Variants in CAST observed in about 807,000 individuals in gnomAD.
CAST encodes the protein calpastatin.
Under a neutral mutation model 119.6 loss-of-function variants are expected in CAST, and 76 were observed. The observed-to-expected ratio is 0.64, with a 90% confidence interval of 0.53 to 0.77. The LOEUF (loss-of-function observed/expected upper bound fraction) is 0.77, where lower values mean the gene tolerates loss of function less well. Ranked by LOEUF, CAST falls within the 30% of genes least tolerant of loss-of-function variation. The probability of loss-of-function intolerance (pLI) is 0.00; values close to 1 mark genes in which losing one functional copy is unlikely to be tolerated. For synonymous variants in CAST, 319 were observed against 331.6 expected, an observed-to-expected ratio of 0.96 and a Z score of 0.41; for missense variants, 953 against 946.5, an observed-to-expected ratio of 1.01 and a Z score of -0.09.
At chr5:96,627,645 T>C (rs1418162849) in intron 1 of CAST, among the ~76,000 whole-genome samples, 1 of 152,214 alleles carries the variant, frequency 6.6e-6, no homozygotes, top group Non-Finnish European at 1.5e-5. Flanking sequence ...CTTAACAAAC[T>C]CCTGTTTACG....
chr5:96,614,356 C>G (rs569517051), intron 1 of CAST, among the ~76,000 whole-genome samples: 2 of 152,306 alleles, frequency 1.3e-5, no homozygotes, highest in African/African-American at 4.8e-5. Context: ...TTACCTACTA[C>G]AGCGCCTCAG....
chr5:96,332,245 T>C, the CAST span, among the ~76,000 whole-genome samples: 3 of 152,298 alleles, frequency 2.0e-5, no homozygotes, highest in East Asian at 5.8e-4. Flanking sequence ...AAGACCATGT[T>C]TCAGCCTTGT....
intron 1 of CAST, among the ~76,000 whole-genome samples, chr5:96,666,257 A>AACACACACACAC (rs10529318): frequency 0.061 from 9,115 of 150,046 alleles, 436 homozygotes; most frequent in East Asian, 0.26. Flanking sequence ...GGTTGTAGTA[A>AACACACACACAC]ACACACACAC....
intron 1 of CAST, among the ~76,000 whole-genome samples, chr5:96,675,162 G>A (rs1180255292): frequency 2.6e-5 from 4 of 152,162 alleles, no homozygotes; most frequent in African/African-American, 9.7e-5. Context: ...AGTCCATGCT[G>A]AACTGAGCCT....
the CAST span, among the ~76,000 whole-genome samples, chr5:96,338,043 G>A: frequency 1.7e-3 from 262 of 152,058 alleles, 1 homozygote; most frequent in Non-Finnish European, 2.2e-3. Context: ...TGAAAGCTTT[G>A]GAATGAGAAA....
At chr5:96,727,438 C>T in intron 5 of CAST, 51 bp from the exon 6 acceptor site, 2 of 977,124 alleles carry the variant, frequency 2.0e-6, no homozygotes, top group South Asian at 1.6e-5. Flanking sequence ...TAAACTATGT[C>T]TATCTTTCTT....
At chr5:96,399,079 ACTTC>A in the CAST span, 2 of 1,464,306 alleles carry the variant, frequency 1.4e-6, no homozygotes, top group Non-Finnish European at 1.9e-6. Flanking sequence ...GTATATCCAA[ACTTC>A]CTTGCATTTT....
chr5:96,663,585 C>T (rs1748896662), intron 1 of CAST, among the ~76,000 whole-genome samples: 1 of 152,070 alleles, frequency 6.6e-6, no homozygotes, highest in Admixed American at 6.5e-5. Flanking sequence ...TTTTAGAGGG[C>T]GATTGTTGGA....
the CAST span, among the ~76,000 whole-genome samples, chr5:95,986,730 T>C: frequency 6.6e-6 from 1 of 152,214 alleles, no homozygotes; most frequent in Non-Finnish European, 1.5e-5. Context: ...TTAAATTTGA[T>C]TTCTTAAAGA....
chr5:96,511,043 G>A, the CAST span, among the ~76,000 whole-genome samples: 1,880 of 152,266 alleles, frequency 0.012, 21 homozygotes, highest in Middle Eastern at 0.051. Context: ...GTGGCTCTCA[G>A]CCACTGTCAC....
At chr5:96,009,167 A>G in the CAST span, among the ~76,000 whole-genome samples, 1 of 152,222 alleles carries the variant, frequency 6.6e-6, no homozygotes, top group African/African-American at 2.4e-5. Context: ...GCTGCGTAGT[A>G]TTCCATGATA....
intron 10 of CAST, among the ~76,000 whole-genome samples, chr5:96,737,054 AACTC>A (rs993454095): frequency 1.3e-4 from 20 of 152,158 alleles, no homozygotes; most frequent in African/African-American, 4.6e-4. Context: ...ATCTCATGAG[AACTC>A]ACTCACTATC....
intron 1 of CAST, among the ~76,000 whole-genome samples, chr5:96,616,795 C>T (rs866929080): frequency 6.6e-5 from 9 of 135,342 alleles, no homozygotes; most frequent in Admixed American, 5.8e-4. Flanking sequence ...CACACACACA[C>T]ATATACATAT....
the CAST span, among the ~76,000 whole-genome samples, chr5:95,998,119 CT>C: frequency 2.0e-5 from 3 of 149,804 alleles, no homozygotes; most frequent in Admixed American, 6.7e-5. Context: ...ATACATTCAC[CT>C]TTTTTTTTAA....
chr5:96,164,664 T>C, the CAST span, among the ~76,000 whole-genome samples: 1 of 152,140 alleles, frequency 6.6e-6, no homozygotes, highest in East Asian at 1.9e-4. Flanking sequence ...CTGAACGTTG[T>C]GTTAGTGAGG....
chr5:96,321,370 G>A, the CAST span, among the ~76,000 whole-genome samples: 2 of 152,174 alleles, frequency 1.3e-5, no homozygotes, highest in African/African-American at 2.4e-5. Context: ...AATGGCTTCT[G>A]GTTGATAACC....
chr5:96,189,279 G>T, the CAST span, among the ~76,000 whole-genome samples: 6 of 152,120 alleles, frequency 3.9e-5, no homozygotes, highest in Non-Finnish European at 8.8e-5. Flanking sequence ...TGGTGAGGGG[G>T]AGGGCTAGGT....
At chr5:96,513,988 C>T in the CAST span, among the ~76,000 whole-genome samples, 5 of 152,172 alleles carry the variant, frequency 3.3e-5, no homozygotes, top group African/African-American at 1.2e-4. Context: ...TGTGCCTTGG[C>T]TGTCACAGAA....
chr5:96,006,880 C>T, the CAST span, among the ~76,000 whole-genome samples: 1 of 152,178 alleles, frequency 6.6e-6, no homozygotes, highest in African/African-American at 2.4e-5. Context: ...AAACACCTCT[C>T]ATACCCTGTT....
Sources: gnomAD v4.1 joint callset for allele counts (sites outside exome capture counted in the v4.1 genomes callset) on GRCh38, gnomAD v4.1.1 for gene constraint, MANE v1.5 for transcripts, NCBI Gene and HGNC (gene_info 2026-07-23, HGNC 2026-07-21) for gene names.